Variants in UBE2E2 observed in about 807,000 individuals in gnomAD.
UBE2E2 encodes the protein ubiquitin conjugating enzyme E2 E2.
A neutral mutation model predicts 24.7 loss-of-function variants in UBE2E2; 6 were observed. The ratio of observed to expected loss-of-function variants is 0.24; its 90% CI spans 0.13 to 0.48. The LOEUF is 0.48. UBE2E2 is among the 20% of genes least tolerant of loss of function. UBE2E2 has a pLI of 0.99. For missense variants in UBE2E2, 169 were observed against 245.0 expected (o/e 0.69, Z 2.07); for synonymous variants, 104 against 83.6 (o/e 1.24, Z -1.33).
chr3:23,461,365 T>C (rs1210002709), intron 3 of UBE2E2, among the ~76,000 whole-genome samples: 2 of 152,160 alleles, frequency 1.3e-5, no homozygotes, highest in Non-Finnish European at 2.9e-5. Flanking sequence ...GTCTTTAGTT[T>C]ATTAAATTAA....
Position 23,280,109 on chromosome 3 carries a change from A to C in UBE2E2, c.227+62797A>C, listed in dbSNP as rs547406238. Among the ~76,000 whole-genome samples, 16 of 152,348 alleles carry C rather than the reference A, an allele frequency of 1.1e-4. No homozygotes were observed. The highest frequency in any genetic ancestry group is 8.5e-4 in the Admixed American group (13 of 15,298). On this transcript the variant is annotated intron_variant, in intron 3 of 5. Coordinates refer to ENST00000396703, the MANE Select transcript of UBE2E2 (RefSeq NM_152653.4). The surrounding 1 kb of genome is among the most constrained non-coding windows in gnomAD (Gnocchi z 4.3). ...TACCACGGTAAGGTTCAAATTACTG[A>C]TATCACATTCTTTTTTGAGGAAGCT...
At chr3:23,433,817 A>G (rs1698121008) in intron 3 of UBE2E2, among the ~76,000 whole-genome samples, 1 of 152,026 alleles carries the variant, frequency 6.6e-6, no homozygotes, top group African/African-American at 2.4e-5. Flanking sequence ...GCTAACTAAT[A>G]GAAGTATATC....
chr3:23,543,935 C>G (rs1695454159), intron 5 of UBE2E2, among the ~76,000 whole-genome samples: 1 of 152,074 alleles, frequency 6.6e-6, no homozygotes, highest in Non-Finnish European at 1.5e-5. Flanking sequence ...TGATCTTCAG[C>G]AAGGCAAACA....
At chr3:23,230,609 A>G (rs1411933476) in intron 3 of UBE2E2, among the ~76,000 whole-genome samples, 1 of 151,930 alleles carries the variant, frequency 6.6e-6, no homozygotes, top group African/African-American at 2.4e-5. Context: ...ACATGGTGAA[A>G]CCCCGTCTCT....
At chr3:23,247,323 TA>T in intron 3 of UBE2E2, among the ~76,000 whole-genome samples, 1 of 152,180 alleles carries the variant, frequency 6.6e-6, no homozygotes, top group South Asian at 2.1e-4. Flanking sequence ...AATCAGAAAA[TA>T]ACCTAGTTAC....
intron 3 of UBE2E2, among the ~76,000 whole-genome samples, chr3:23,400,528 G>A (rs140373032): frequency 2.6e-5 from 4 of 151,804 alleles, no homozygotes; most frequent in African/African-American, 9.7e-5. Flanking sequence ...TGCATTCTGT[G>A]AATAGGAGCA....
At chr3:23,249,117 A>C (rs1266676644) in intron 3 of UBE2E2, among the ~76,000 whole-genome samples, 1 of 152,064 alleles carries the variant, frequency 6.6e-6, no homozygotes, top group Non-Finnish European at 1.5e-5. Context: ...CAAAAAATAC[A>C]AAAATTAGCT....
intron 3 of UBE2E2, among the ~76,000 whole-genome samples, chr3:23,329,973 A>G (rs1387396510): frequency 6.6e-6 from 1 of 152,238 alleles, no homozygotes; most frequent in African/African-American, 2.4e-5. Flanking sequence ...GTAGTTTACA[A>G]CAAAGCTGCT....
chr3:23,463,623 C>G (rs923958674), intron 3 of UBE2E2, among the ~76,000 whole-genome samples: 3 of 152,110 alleles, frequency 2.0e-5, no homozygotes, highest in African/African-American at 7.2e-5. Flanking sequence ...TTCTTGATCT[C>G]ATTAAGTTGT....
chr3:23,353,481 A>G (rs1197068246), intron 3 of UBE2E2, among the ~76,000 whole-genome samples: 2 of 152,226 alleles, frequency 1.3e-5, no homozygotes, highest in Non-Finnish European at 2.9e-5. Context: ...GTATATCTAG[A>G]AAACCCCATC....
intron 3 of UBE2E2, among the ~76,000 whole-genome samples, chr3:23,219,119 CTGA>C (rs1331262407): frequency 6.6e-6 from 1 of 152,236 alleles, no homozygotes; most frequent in East Asian, 1.9e-4. Flanking sequence ...GATTGGATAG[CTGA>C]TAAGTTTGCT....
chr3:23,352,006 A>C (rs1235739500), intron 3 of UBE2E2, among the ~76,000 whole-genome samples: 1 of 152,228 alleles, frequency 6.6e-6, no homozygotes, highest in Non-Finnish European at 1.5e-5. Flanking sequence ...CAGCAAATGT[A>C]AAAGAACAGA....
chr3:23,305,822 T>C (rs1200067594), intron 3 of UBE2E2, among the ~76,000 whole-genome samples: 3 of 152,192 alleles, frequency 2.0e-5, no homozygotes, highest in Admixed American at 1.3e-4. Flanking sequence ...CTGGAGCTCC[T>C]GGGCTCAAGC....
chr3:23,574,982 G>A (rs974672395), intron 5 of UBE2E2, among the ~76,000 whole-genome samples: 12 of 152,132 alleles, frequency 7.9e-5, no homozygotes, highest in South Asian at 4.1e-4. Flanking sequence ...AAGGAAATGC[G>A]CATTGGAGCA....
chr3:23,441,368 CAA>C (rs752204801), intron 3 of UBE2E2, among the ~76,000 whole-genome samples: 3,641 of 103,148 alleles, frequency 0.035, 79 homozygotes, highest in East Asian at 0.14. Flanking sequence ...ACTAAAAATC[CAA>C]AAAAAAAAAA....
At chr3:23,556,861 C>A (rs1695801422) in intron 5 of UBE2E2, among the ~76,000 whole-genome samples, 1 of 152,104 alleles carries the variant, frequency 6.6e-6, no homozygotes, top group Admixed American at 6.6e-5. Flanking sequence ...TTGGTATGTC[C>A]TGTAGAATTA....
intron 3 of UBE2E2, among the ~76,000 whole-genome samples, chr3:23,413,419 A>G (rs1027203620): frequency 2.6e-5 from 4 of 152,164 alleles, no homozygotes; most frequent in African/African-American, 9.7e-5. Context: ...ATTTCAAGTT[A>G]CAACCATCAT....
At chr3:23,367,617 T>C (rs920894262) in intron 3 of UBE2E2, among the ~76,000 whole-genome samples, 5 of 152,156 alleles carry the variant, frequency 3.3e-5, no homozygotes, top group African/African-American at 7.2e-5. Flanking sequence ...CCTTGCAGTA[T>C]CTATGTGGAA....
chr3:23,346,300 G>A (rs898445013), intron 3 of UBE2E2, among the ~76,000 whole-genome samples: 8 of 152,086 alleles, frequency 5.3e-5, no homozygotes, highest in Non-Finnish European at 4.4e-5. Flanking sequence ...TAGTTGAATC[G>A]TTAATATCCT....
Sources: allele counts gnomAD v4.1 joint callset (sites outside exome capture counted in the v4.1 genomes callset), GRCh38; gene constraint gnomAD v4.1.1; non-coding constraint Gnocchi (gnomAD v3.1); transcripts MANE v1.5; gene names NCBI Gene and HGNC (gene_info 2026-07-23, HGNC 2026-07-21).